RAF1: variants seen among roughly 807,000 people sequenced by gnomAD.
RAF1 encodes RAF proto-oncogene serine/threonine-protein kinase.
RAF1 carries 27 observed loss-of-function variants against 81.1 expected under a neutral mutation model. The ratio of observed to expected loss-of-function variants is 0.33; its 90% CI spans 0.25 to 0.46. The LOEUF (loss-of-function observed/expected upper bound fraction) is 0.46. RAF1 is among the 20% of genes least tolerant of loss of function. The pLI is 1.00. For missense variants in RAF1, 598 were observed against 826.0 expected (o/e 0.72, Z 3.38); for synonymous variants, 298 against 294.0 (o/e 1.01, Z -0.14).
intron 1 of RAF1, among the ~76,000 whole-genome samples, chr3:12,662,643 C>G (rs1365438228): frequency 6.6e-6 from 1 of 152,026 alleles, no homozygotes; most frequent in Non-Finnish European, 1.5e-5. Context: ...GCTCCCCAAA[C>G]TCATCCCAAC....
At position 12,605,745 on chromosome 3, in the gene RAF1, T is replaced by A. The variant is rs574039050; in HGVS notation, c.680+456A>T. ...GACACATGAGAAACAATATTTATGC[T>A]GAAAATCTAATTAAATGTTTTTAAA... is the stretch of plus-strand genomic sequence containing the variant. On this transcript the variant is annotated intron_variant, in intron 6 of 17. Coordinates refer to ENST00000442415, the MANE Select transcript of RAF1 (RefSeq NM_001354689.3). 2.6e-5 allele frequency among the ~76,000 whole-genome samples: 4 copies of A among 152,338 alleles called. No individual in the cohort carries two copies. In the East Asian group the frequency reaches 5.8e-4, roughly 22 times the overall value.
At chr3:12,650,102 C>T (rs970714096) in intron 1 of RAF1, among the ~76,000 whole-genome samples, 6 of 141,778 alleles carry the variant, frequency 4.2e-5, no homozygotes, top group Non-Finnish European at 6.0e-5. Context: ...GCCAAGATCA[C>T]GCCATTGCAC....
At chr3:12,632,176 T>C (rs2059882141) in intron 1 of RAF1, among the ~76,000 whole-genome samples, 1 of 151,902 alleles carries the variant, frequency 6.6e-6, no homozygotes, top group Non-Finnish European at 1.5e-5. Flanking sequence ...ATACAGAAAT[T>C]AGCTGGACAC....
chr3:12,618,391 A>G, intron 2 of RAF1, 124 bp downstream of exon 2: 2 of 628,794 alleles, frequency 3.2e-6, no homozygotes, highest in East Asian at 4.0e-5. Context: ...CTGCAGTTAG[A>G]AAAAAAAAAA....
chr3:12,628,384 G>T (rs111471240), intron 1 of RAF1, among the ~76,000 whole-genome samples: 1 of 152,052 alleles, frequency 6.6e-6, no homozygotes. Context: ...AAAACTAGCC[G>T]GGTGTGGTGG....
chr3:12,625,825 T>TCA (rs942306151), intron 1 of RAF1, among the ~76,000 whole-genome samples: 28 of 152,226 alleles, frequency 1.8e-4, no homozygotes, highest in African/African-American at 4.3e-4. Flanking sequence ...TGAGATCACT[T>TCA]CACACACACA....
intron 14 of RAF1, among the ~76,000 whole-genome samples, chr3:12,586,318 T>C (rs1305628574): frequency 6.6e-6 from 1 of 152,188 alleles, no homozygotes; most frequent in Non-Finnish European, 1.5e-5. Context: ...CTAGAATCGG[T>C]ACCACTCAGT....
chr3:12,657,657 G>A (rs1036621191), intron 1 of RAF1, among the ~76,000 whole-genome samples: 1 of 151,850 alleles, frequency 6.6e-6, no homozygotes, highest in East Asian at 1.9e-4. Flanking sequence ...TGTAACCCCA[G>A]CTACTCAGGA....
intron 1 of RAF1, among the ~76,000 whole-genome samples, chr3:12,652,225 A>G (rs1417809711): frequency 6.6e-6 from 1 of 151,630 alleles, no homozygotes; most frequent in East Asian, 1.9e-4. Context: ...CAAAAAAACA[A>G]TAATAAATAA....
At chr3:12,637,914 C>A (rs2060078479) in intron 1 of RAF1, among the ~76,000 whole-genome samples, 1 of 152,056 alleles carries the variant, frequency 6.6e-6, no homozygotes, top group South Asian at 2.1e-4. Context: ...TTATTTATTT[C>A]ACTCAAATTA....
intron 11 of RAF1, among the ~76,000 whole-genome samples, chr3:12,596,194 CTTT>C (rs10575214): frequency 0.11 from 12,333 of 117,290 alleles, 682 homozygotes; most frequent in African/African-American, 0.16. Flanking sequence ...ATTTTTCTTT[CTTT>C]TTTTTTTTTT....
chr3:12,601,970 A>C (rs1209829250), intron 8 of RAF1, among the ~76,000 whole-genome samples: 1 of 152,260 alleles, frequency 6.6e-6, no homozygotes, highest in Non-Finnish European at 1.5e-5. Flanking sequence ...TGTGGATTTC[A>C]ATAGAAATCG....
intron 5 of RAF1, among the ~76,000 whole-genome samples, chr3:12,606,994 TG>T (rs1233137376): frequency 6.6e-6 from 1 of 152,158 alleles, no homozygotes; most frequent in Non-Finnish European, 1.5e-5. Flanking sequence ...CCCGGCCCAG[TG>T]TGCATTTCTA....
intron 1 of RAF1, among the ~76,000 whole-genome samples, chr3:12,628,751 TGG>T (rs35539372): frequency 0.26 from 21,071 of 82,066 alleles, 2,235 homozygotes; most frequent in Admixed American, 0.36. Flanking sequence ...AGACTATTTT[TGG>T]GGGGGGGGGG....
chr3:12,618,464 G>T (rs1163477304), intron 2 of RAF1, 51 bp downstream of exon 2: 16 of 1,571,126 alleles, frequency 1.0e-5, no homozygotes, highest in Non-Finnish European at 1.4e-5. Flanking sequence ...TCCTTAATGT[G>T]CTCCACAGGC....
intron 7 of RAF1, chr3:12,603,619 G>T (rs1462396961): frequency 6.4e-6 from 4 of 626,192 alleles, no homozygotes; most frequent in Non-Finnish European, 8.6e-6. Context: ...TAAAGATGAA[G>T]CAGAAAGCAA....
chr3:12,612,501 T>C (rs1270004673), intron 2 of RAF1, among the ~76,000 whole-genome samples: 1 of 151,820 alleles, frequency 6.6e-6, no homozygotes, highest in African/African-American at 2.4e-5. Context: ...ATACAAAAAT[T>C]AGCCGGGCAT....
chr3:12,583,805 T>G lies in RAF1; in HGVS notation c.*709A>C. On this transcript the variant is annotated 3_prime_UTR_variant, in exon 18 of 18. Coordinates refer to ENST00000442415, the MANE Select transcript of RAF1 (RefSeq NM_001354689.3). ...TTTGTTAGAGAAACAAGGCTGGCCC[T>G]GCGGCCCCGCCCCATAGGGGCAGCT... The G allele has an allele frequency of 4.3e-6, 1 of 233,916 alleles. No individual in the cohort carries two copies. The allele number at this position is 233,916 out of a possible 1,614,324, so 14.5% of individuals were successfully genotyped here.
intron 11 of RAF1, among the ~76,000 whole-genome samples, chr3:12,596,199 T>C (rs1214889615): frequency 7.4e-5 from 11 of 147,804 alleles, no homozygotes; most frequent in South Asian, 4.2e-4. Context: ...TCTTTCTTTT[T>C]TTTTTTTTTT....
Sources: allele counts gnomAD v4.1 joint callset (sites outside exome capture counted in the v4.1 genomes callset), GRCh38; gene constraint gnomAD v4.1.1; transcripts MANE v1.5; gene names NCBI Gene and HGNC (gene_info 2026-07-23, HGNC 2026-07-21).